ZNF563: variants seen among roughly 807,000 people sequenced by gnomAD.
The protein encoded by ZNF563 is zinc finger protein 563.
A neutral mutation model predicts 48.5 loss-of-function variants in ZNF563; 39 were observed. The ratio of observed to expected loss-of-function variants is 0.80; its 90% CI spans 0.62 to 1.05. The LOEUF is 1.05. Among genes scored for constraint, ZNF563 ranks in the 50% least tolerant of loss-of-function variants. ZNF563 has a pLI of 0.00. For synonymous variants in ZNF563, 168 were observed against 187.9 expected (o/e 0.89, Z 0.87); for missense variants, 538 against 597.0 (o/e 0.90, Z 1.03).
the ZNF563 span, among the ~76,000 whole-genome samples, chr19:12,342,789 A>G: frequency 6.6e-6 from 1 of 151,662 alleles, no homozygotes; most frequent in East Asian, 1.9e-4. Context: ...TAAAAAAAAA[A>G]AAAAAGGAAA....
the ZNF563 span, among the ~76,000 whole-genome samples, chr19:12,345,564 T>C: frequency 6.6e-6 from 1 of 152,210 alleles, no homozygotes; most frequent in East Asian, 1.9e-4. Context: ...CATTACATCA[T>C]GTATAAATAG....
At chr19:12,329,974 GCAA>G (rs1968884565) in intron 1 of ZNF563, among the ~76,000 whole-genome samples, 3 of 151,414 alleles carry the variant, frequency 2.0e-5, no homozygotes, top group Admixed American at 6.6e-5. Flanking sequence ...AGGCTGGAGT[GCAA>G]TGGCACCATC....
At chr19:12,328,229 G>A (rs1741406670) in intron 1 of ZNF563, among the ~76,000 whole-genome samples, 1 of 152,226 alleles carries the variant, frequency 6.6e-6, no homozygotes, top group East Asian at 1.9e-4. Flanking sequence ...GCTCACACCT[G>A]TGGTGCCACC....
intron 1 of ZNF563, among the ~76,000 whole-genome samples, chr19:12,333,143 A>T (rs1473459552): frequency 6.6e-6 from 1 of 152,176 alleles, no homozygotes; most frequent in Non-Finnish European, 1.5e-5. Context: ...CACAGGCACG[A>T]ACCCCACACA....
chr19:12,340,521 C>A, the ZNF563 span, among the ~76,000 whole-genome samples: 9 of 152,256 alleles, frequency 5.9e-5, no homozygotes, highest in South Asian at 6.2e-4. Flanking sequence ...TGCCTGTAAT[C>A]CCAGCACTTT....
chr19:12,336,571 G>A (rs1267186916), upstream of ZNF563, among the ~76,000 whole-genome samples: 3 of 152,220 alleles, frequency 2.0e-5, no homozygotes, highest in Admixed American at 6.5e-5. Context: ...CAGCTTGGGC[G>A]ACAGAGCGAG....
chr19:12,318,698 G>A lies in ZNF563; in HGVS notation c.1327C>T (p.His443Tyr). The change falls in exon 4 of 4, where the codon CAT becomes TAT. Residue 443 changes from histidine (H) to tyrosine (Y), a missense_variant. Coordinates refer to ENST00000293725, the MANE Select transcript of ZNF563 (RefSeq NM_145276.3). ...SSSFRRHMVM[H>Y]TGDGPNKCKV... is the part of the protein sequence containing the mutation. ...CATTTATTCGGCCCATCTCCCGTAT[G>A]CATTACCATATGTCTTCGAAAGCTT... 3 of 1,614,182 alleles carry A rather than the reference G, an allele frequency of 1.9e-6. No individual in the cohort carries two copies. Among genetic ancestry groups the A allele is most frequent in the Non-Finnish European group, 2.5e-6 (3 of 1,180,036 alleles).
chr19:12,321,583 TACA>T (rs760780300), intron 2 of ZNF563, among the ~76,000 whole-genome samples: 50 of 152,172 alleles, frequency 3.3e-4, no homozygotes, highest in Non-Finnish European at 6.9e-4. Context: ...TAGCTGGGAC[TACA>T]GATGCGTGCC....
chr19:12,323,775 C>A (rs141521898), intron 1 of ZNF563, among the ~76,000 whole-genome samples: 1 of 152,284 alleles, frequency 6.6e-6, no homozygotes, highest in African/African-American at 2.4e-5. Flanking sequence ...TGTTTTTTTG[C>A]AACTGATTAG....
intron 1 of ZNF563, among the ~76,000 whole-genome samples, chr19:12,333,247 C>T (rs763484250): frequency 1.3e-5 from 2 of 152,160 alleles, no homozygotes; most frequent in African/African-American, 2.4e-5. Context: ...GACAGGGCTC[C>T]GAGGCCGGGA....
the ZNF563 span, among the ~76,000 whole-genome samples, chr19:12,341,676 C>T: frequency 6.6e-6 from 1 of 152,160 alleles, no homozygotes; most frequent in Non-Finnish European, 1.5e-5. Flanking sequence ...CAATTATTAA[C>T]ATACTTGCAC....
intron 1 of ZNF563, among the ~76,000 whole-genome samples, chr19:12,326,143 A>T (rs901417273): frequency 1.3e-4 from 20 of 152,232 alleles, no homozygotes. Context: ...GACTTCTTGA[A>T]TGAATAAAAA....
chr19:12,320,724 C>T (rs1968596505), intron 3 of ZNF563, among the ~76,000 whole-genome samples: 1 of 151,980 alleles, frequency 6.6e-6, no homozygotes, highest in Admixed American at 6.6e-5. Flanking sequence ...GTCTCAAACT[C>T]CTGACCTCAA....
intron 1 of ZNF563, among the ~76,000 whole-genome samples, chr19:12,325,517 G>A (rs12608855): frequency 0.19 from 28,565 of 148,578 alleles, 2,824 homozygotes; most frequent in East Asian, 0.25. Context: ...AAGTCTAAAA[G>A]GAAAAAACTG....
chr19:12,342,500 TG>T, the ZNF563 span, among the ~76,000 whole-genome samples: 2 of 146,334 alleles, frequency 1.4e-5, no homozygotes, highest in South Asian at 4.3e-4. Flanking sequence ...AGGTTGGGGG[TG>T]GTGCCTCAAA....
the ZNF563 span, among the ~76,000 whole-genome samples, chr19:12,339,559 C>A: frequency 6.6e-6 from 1 of 152,070 alleles, no homozygotes; most frequent in South Asian, 2.1e-4. Flanking sequence ...GGATTACAGG[C>A]ATGAGCCACC....
chr19:12,332,812 G>C (rs1390160396), intron 1 of ZNF563, among the ~76,000 whole-genome samples: 1 of 152,150 alleles, frequency 6.6e-6, no homozygotes, highest in Non-Finnish European at 1.5e-5. Context: ...CTCTCCTGCA[G>C]GCTTCCCATG....
the ZNF563 span, among the ~76,000 whole-genome samples, chr19:12,340,904 G>T: frequency 6.6e-6 from 1 of 151,748 alleles, no homozygotes; most frequent in African/African-American, 2.4e-5. Flanking sequence ...GATGTGCTCT[G>T]TGAGAAATGT....
chr19:12,339,610 A>C, the ZNF563 span, among the ~76,000 whole-genome samples: 1 of 151,828 alleles, frequency 6.6e-6, no homozygotes, highest in African/African-American at 2.4e-5. Flanking sequence ...CAAAATAGCC[A>C]CTCTATACAG....
Sources: allele counts gnomAD v4.1 joint callset (sites outside exome capture counted in the v4.1 genomes callset), GRCh38; gene constraint gnomAD v4.1.1; transcripts MANE v1.5; gene names NCBI Gene and HGNC (gene_info 2026-07-23, HGNC 2026-07-21).